The following RCAN2 variants were observed in gnomAD, a reference collection of about 807,000 sequenced individuals.
The protein encoded by RCAN2 is calcipressin-2.
RCAN2 carries 9 observed loss-of-function variants against 23.6 expected under a neutral mutation model. That is an observed-to-expected ratio of 0.38 (90% CI 0.23 to 0.67). RCAN2 has a LOEUF of 0.67. Ranked by LOEUF, RCAN2 falls within the 30% of genes least tolerant of loss-of-function variation. RCAN2 has a pLI of 0.51. For missense variants in RCAN2, 273 were observed against 302.3 expected (o/e 0.90, Z 0.72); for synonymous variants, 109 against 115.7 (o/e 0.94, Z 0.37).
intron 2 of RCAN2, among the ~76,000 whole-genome samples, chr6:46,332,976 T>A (rs1335925748): frequency 2.6e-5 from 4 of 152,222 alleles, no homozygotes; most frequent in African/African-American, 9.6e-5. Context: ...ACACGTTGTT[T>A]CCTGACTTTT....
chr6:46,227,948 G>A (rs548806269), intron 4 of RCAN2, among the ~76,000 whole-genome samples: 1 of 152,306 alleles, frequency 6.6e-6, no homozygotes, highest in Admixed American at 6.5e-5. Context: ...TGCTTTAAAT[G>A]TGTCCCAGAG....
At chr6:46,450,691 G>A (rs1284930448) in intron 2 of RCAN2, among the ~76,000 whole-genome samples, 1 of 152,016 alleles carries the variant, frequency 6.6e-6, no homozygotes, top group Non-Finnish European at 1.5e-5. Flanking sequence ...GGTACAGAAA[G>A]ACAAATATTA....
chr6:46,246,532 C>T (rs1443707387), intron 4 of RCAN2, among the ~76,000 whole-genome samples: 2 of 152,112 alleles, frequency 1.3e-5, no homozygotes, highest in Non-Finnish European at 2.9e-5. Flanking sequence ...GGACTTGACA[C>T]CATTTTAGTA....
Position 46,348,065 on chromosome 6 carries a change from T to C in RCAN2, c.226-99169A>G, listed in dbSNP as rs1028743869. Among the ~76,000 whole-genome samples the C allele has an allele frequency of 4.6e-5, 7 of 152,344 alleles. No individual in the cohort carries two copies. The South Asian group carries it at 6.2e-4, about 14-fold the overall frequency. ...GTGATTTAAATGGAAGCAGCCATCA[T>C]TTCAATCATAAAGACTAGATTTCCA... On this transcript the variant is annotated intron_variant, in intron 2 of 4. Coordinates refer to ENST00000371374, the MANE Select transcript of RCAN2 (RefSeq NM_001251974.2).
At chr6:46,347,528 C>T (rs921935034) in intron 2 of RCAN2, among the ~76,000 whole-genome samples, 1 of 152,144 alleles carries the variant, frequency 6.6e-6, no homozygotes, top group Non-Finnish European at 1.5e-5. Flanking sequence ...TAAAGGTATA[C>T]TTAAAAATAT....
At chr6:46,476,152 C>T (rs1768707619) in intron 1 of RCAN2, among the ~76,000 whole-genome samples, 1 of 152,072 alleles carries the variant, frequency 6.6e-6, no homozygotes, top group Admixed American at 6.6e-5. Flanking sequence ...TATTATAATC[C>T]CCATTTTACA....
At position 46,480,283 on chromosome 6, in the gene RCAN2, G is replaced by A. The variant is rs144783995; in HGVS notation, c.-3+10890C>T. On this transcript the variant is annotated intron_variant, in intron 1 of 4. Transcript: ENST00000371374. ...ACAGAACTTACCTCACAGGTTTGTC[G>A]AGAGGACAATATGTGATAACATGTG... is the stretch of plus-strand genomic sequence containing the variant. Among the ~76,000 whole-genome samples, 689 of 152,290 alleles carry A rather than the reference G, an allele frequency of 4.5e-3. 6 individuals carry two copies. The highest frequency in any genetic ancestry group is 0.015 in the African/African-American group (634 of 41,560).
At chr6:46,476,860 C>T (rs532779735) in intron 1 of RCAN2, among the ~76,000 whole-genome samples, 104 of 152,148 alleles carry the variant, frequency 6.8e-4, no homozygotes, top group African/African-American at 2.5e-3. Flanking sequence ...CAGGGTGAGC[C>T]AAATGTGAGA....
intron 2 of RCAN2, among the ~76,000 whole-genome samples, chr6:46,423,441 C>G (rs1161661869): frequency 3.3e-5 from 5 of 152,118 alleles, no homozygotes; most frequent in African/African-American, 4.8e-5. Flanking sequence ...TGAGACCAAG[C>G]TATTTCTCCT....
At chr6:46,232,984 GC>G (rs1349533078) in intron 4 of RCAN2, among the ~76,000 whole-genome samples, 1 of 152,042 alleles carries the variant, frequency 6.6e-6, no homozygotes. Context: ...CACACAATGT[GC>G]CCCCTCCCTT....
At chr6:46,473,090 T>C (rs527691032) in intron 1 of RCAN2, among the ~76,000 whole-genome samples, 14 of 152,332 alleles carry the variant, frequency 9.2e-5, no homozygotes, top group African/African-American at 2.9e-4. Context: ...TTAGAAGTCA[T>C]GTTTCAGGAC....
At chr6:46,453,238 T>A (rs1023891119) in intron 2 of RCAN2, among the ~76,000 whole-genome samples, 2 of 151,516 alleles carry the variant, frequency 1.3e-5, no homozygotes, top group Non-Finnish European at 1.5e-5. Flanking sequence ...ATCACAGTTT[T>A]AAATGTGTTT....
intron 2 of RCAN2, among the ~76,000 whole-genome samples, chr6:46,442,490 G>A (rs1042319692): frequency 3.3e-5 from 5 of 152,184 alleles, no homozygotes; most frequent in Non-Finnish European, 5.9e-5. Context: ...CAGGCAGTAT[G>A]CCTTAAGACT....
chr6:46,341,893 G>A (rs967525240), intron 2 of RCAN2, among the ~76,000 whole-genome samples: 5 of 152,144 alleles, frequency 3.3e-5, no homozygotes, highest in Non-Finnish European at 5.9e-5. Context: ...AAAAAGCTAG[G>A]ACAGAGGAAG....
intron 2 of RCAN2, among the ~76,000 whole-genome samples, chr6:46,313,487 C>T (rs1763330656): frequency 6.6e-6 from 1 of 152,246 alleles, no homozygotes; most frequent in South Asian, 2.1e-4. Context: ...ACCTATATCC[C>T]ATAGCCTTCA....
chr6:46,486,202 G>A (rs536977660), intron 1 of RCAN2, among the ~76,000 whole-genome samples: 6 of 152,238 alleles, frequency 3.9e-5, no homozygotes, highest in East Asian at 3.9e-4. Context: ...TCAGAGAACC[G>A]GCACTGAGTG....
intron 2 of RCAN2, among the ~76,000 whole-genome samples, chr6:46,294,605 T>A (rs373576439): frequency 6.6e-6 from 1 of 152,158 alleles, no homozygotes; most frequent in Non-Finnish European, 1.5e-5. Flanking sequence ...AGTGTGGTCA[T>A]TAAAATCATA....
intron 2 of RCAN2, chr6:46,325,350 G>A (rs772242790): frequency 4.9e-5 from 79 of 1,609,660 alleles, no homozygotes; most frequent in South Asian, 8.9e-5. Context: ...GCCAAGCAGC[G>A]TCAGTAACAG....
intron 2 of RCAN2, among the ~76,000 whole-genome samples, chr6:46,399,735 CTG>C (rs1766196674): frequency 6.6e-6 from 1 of 152,042 alleles, no homozygotes; most frequent in Non-Finnish European, 1.5e-5. Flanking sequence ...ACCTTCTCTT[CTG>C]TGTTTCCCAC....
Sources: allele counts gnomAD v4.1 joint callset (sites outside exome capture counted in the v4.1 genomes callset), GRCh38; gene constraint gnomAD v4.1.1; transcripts MANE v1.5; gene names NCBI Gene and HGNC (gene_info 2026-07-23, HGNC 2026-07-21).